Variants in DCHS2 observed in about 807,000 individuals in gnomAD.
DCHS2 encodes the protein dachsous cadherin-related 2, also known as protocadherin-23.
Under a neutral mutation model 182.4 loss-of-function variants are expected in DCHS2, and 142 were observed. The ratio of observed to expected loss-of-function variants is 0.78; its 90% CI spans 0.68 to 0.89. The LOEUF is 0.89. Among genes scored for constraint, DCHS2 ranks in the 40% least tolerant of loss-of-function variants. DCHS2 has a pLI of 0.00. For missense variants in DCHS2, 4,319 were observed against 4,198.6 expected, an observed-to-expected ratio of 1.03 and a Z score of -0.79; for synonymous variants, 1,740 against 1,663.3, an observed-to-expected ratio of 1.05 and a Z score of -1.12.
intron 14 of DCHS2, among the ~76,000 whole-genome samples, chr4:154,265,949 T>G (rs1004217777): frequency 2.6e-5 from 4 of 152,150 alleles, no homozygotes; most frequent in African/African-American, 9.7e-5. Flanking sequence ...TATATATGCA[T>G]ACCTATGATG....
chr4:154,285,677 A>G (rs1358650322), intron 13 of DCHS2, among the ~76,000 whole-genome samples: 1 of 152,124 alleles, frequency 6.6e-6, no homozygotes, highest in Non-Finnish European at 1.5e-5. Flanking sequence ...AAGAATAGGA[A>G]GGACTTTTGT....
intron 1 of DCHS2, among the ~76,000 whole-genome samples, chr4:154,393,036 C>G (rs1731776126): frequency 1.3e-5 from 2 of 152,116 alleles, no homozygotes; most frequent in Admixed American, 1.3e-4. Context: ...TTATCTTCAT[C>G]TTACTGAGTT....
intron 10 of DCHS2, among the ~76,000 whole-genome samples, chr4:154,311,003 C>A (rs935238740): frequency 2.6e-5 from 4 of 151,942 alleles, no homozygotes; most frequent in African/African-American, 9.7e-5. Context: ...CAAAGGAGAC[C>A]GTAAAGCACA....
intron 1 of DCHS2, among the ~76,000 whole-genome samples, chr4:154,392,320 A>G (rs897204295): frequency 6.6e-6 from 1 of 152,244 alleles, no homozygotes; most frequent in African/African-American, 2.4e-5. Context: ...TGTAAAACAA[A>G]GAGATACCCA....
intron 7 of DCHS2, among the ~76,000 whole-genome samples, chr4:154,324,752 C>T (rs1310301230): frequency 6.6e-6 from 1 of 152,124 alleles, no homozygotes; most frequent in Non-Finnish European, 1.5e-5. Context: ...AAAAGAACCC[C>T]TGTCTTCAAG....
intron 1 of DCHS2, among the ~76,000 whole-genome samples, chr4:154,417,232 A>T (rs1261050500): frequency 6.6e-6 from 1 of 150,376 alleles, no homozygotes; most frequent in Non-Finnish European, 1.5e-5. Context: ...AGAGAGAGAG[A>T]GAGAGAGAGA....
chr4:154,430,516 G>C (rs566904576), intron 1 of DCHS2, among the ~76,000 whole-genome samples: 2 of 152,300 alleles, frequency 1.3e-5, no homozygotes, highest in East Asian at 1.9e-4. Flanking sequence ...CCTGGGGAAC[G>C]TGGGAAATAA....
intron 1 of DCHS2, among the ~76,000 whole-genome samples, chr4:154,397,648 C>T (rs1731991716): frequency 6.6e-6 from 1 of 152,140 alleles, no homozygotes; most frequent in Non-Finnish European, 1.5e-5. Flanking sequence ...CCTGACTGTG[C>T]CTAACAGTCT....
chr4:154,366,475 T>C, intron 2 of DCHS2, 34 bp from the exon 3 acceptor site: 3 of 1,451,304 alleles, frequency 2.1e-6, no homozygotes, highest in Admixed American at 1.8e-5. Context: ...TACAAATGGG[T>C]TTTTGCTGAA....
At chr4:154,312,869 G>A (rs556860798) in intron 10 of DCHS2, among the ~76,000 whole-genome samples, 330 of 152,266 alleles carry the variant, frequency 2.2e-3, no homozygotes, top group Non-Finnish European at 3.6e-3. Flanking sequence ...AAAGCTATCA[G>A]CCCAGTGGAA....
chr4:154,339,105 T>C (rs1728945300), intron 3 of DCHS2, among the ~76,000 whole-genome samples: 1 of 152,202 alleles, frequency 6.6e-6, no homozygotes, highest in Admixed American at 6.5e-5. Context: ...GAAAAGCTGA[T>C]GGTATAGTTT....
At chr4:154,267,916 G>T (rs896421685) in intron 14 of DCHS2, among the ~76,000 whole-genome samples, 7 of 152,146 alleles carry the variant, frequency 4.6e-5, no homozygotes, top group African/African-American at 1.4e-4. Context: ...CGTTTCAGGG[G>T]ATTCCTTGCT....
intron 1 of DCHS2, among the ~76,000 whole-genome samples, chr4:154,385,800 G>A (rs1191776068): frequency 6.6e-6 from 1 of 152,020 alleles, no homozygotes; most frequent in Non-Finnish European, 1.5e-5. Flanking sequence ...CCCAATTTCT[G>A]CTGTTTTAAG....
chr4:154,277,630 CA>C (rs35543228), intron 13 of DCHS2, among the ~76,000 whole-genome samples: 48,176 of 102,352 alleles, frequency 0.47, 8,425 homozygotes, highest in Non-Finnish European at 0.54. Context: ...GAAATCACAC[CA>C]AAAAAAAAAA....
At chr4:154,299,921 G>T (rs1353474228) in intron 12 of DCHS2, among the ~76,000 whole-genome samples, 1 of 152,086 alleles carries the variant, frequency 6.6e-6, no homozygotes. Context: ...GATAGTGCTA[G>T]CCAAGGGGTG....
At chr4:154,397,981 A>G (rs540363039) in intron 1 of DCHS2, among the ~76,000 whole-genome samples, 32 of 152,232 alleles carry the variant, frequency 2.1e-4, no homozygotes, top group Non-Finnish European at 4.4e-4. Flanking sequence ...GTTTGAAGGC[A>G]TAAAAAGAAA....
intron 1 of DCHS2, among the ~76,000 whole-genome samples, chr4:154,436,125 A>T (rs551419173): frequency 6.6e-6 from 1 of 152,286 alleles, no homozygotes; most frequent in African/African-American, 2.4e-5. Flanking sequence ...CAAAGACTGA[A>T]CTAACCTGCC....
At chr4:154,321,263 T>A (rs762996614) in intron 8 of DCHS2, 41 bp from the exon 9 acceptor site, 10 of 1,436,704 alleles carry the variant, frequency 7.0e-6, no homozygotes, top group South Asian at 1.7e-5. Flanking sequence ...GGGGTATTTT[T>A]AAAACAGTTT....
chr4:154,487,925 C>A (rs1315019645), intron 1 of DCHS2, among the ~76,000 whole-genome samples: 1 of 152,158 alleles, frequency 6.6e-6, no homozygotes, highest in Non-Finnish European at 1.5e-5. Flanking sequence ...TGCCTGTAAT[C>A]CCAGCACTTT....
Sources: gnomAD v4.1 joint callset for allele counts (sites outside exome capture counted in the v4.1 genomes callset) on GRCh38, gnomAD v4.1.1 for gene constraint, MANE v1.5 for transcripts, NCBI Gene and HGNC (gene_info 2026-07-23, HGNC 2026-07-21) for gene names.